Variants in TPTE2 observed in about 807,000 individuals in gnomAD.
TPTE2 encodes the protein phosphatidylinositol 3,4,5-trisphosphate 3-phosphatase TPTE2.
TPTE2 carries 53 observed loss-of-function variants against 78.6 expected under a neutral mutation model. That is an observed-to-expected ratio of 0.67 (90% CI 0.54 to 0.85). The LOEUF (loss-of-function observed/expected upper bound fraction) is 0.85, where lower values mean the gene tolerates loss of function less well. Ranked by LOEUF, TPTE2 falls within the 40% of genes least tolerant of loss-of-function variation. The probability of loss-of-function intolerance (pLI) is 0.00; values close to 1 mark genes in which losing one functional copy is unlikely to be tolerated. For missense variants in TPTE2, 461 were observed against 623.0 expected, an observed-to-expected ratio of 0.74 and a Z score of 2.77; for synonymous variants, 175 against 206.2, an observed-to-expected ratio of 0.85 and a Z score of 1.30.
At chr13:19,492,101 C>T (rs530313591) in intron 3 of TPTE2, among the ~76,000 whole-genome samples, 51 of 152,200 alleles carry the variant, frequency 3.4e-4, no homozygotes, top group Non-Finnish European at 6.2e-4. Flanking sequence ...TCAGGTTTTC[C>T]GTATTACTTA....
chr13:19,422,883 C>T, exon 20 of TPTE2: 1 of 510,624 alleles, frequency 2.0e-6, no homozygotes. Context: ...GACATTTTAT[C>T]TATATATATT....
chr13:19,473,553 TAAGTC>T (rs1879754392), intron 6 of TPTE2, among the ~76,000 whole-genome samples: 1 of 150,326 alleles, frequency 6.7e-6, no homozygotes, highest in African/African-American at 2.5e-5. Context: ...CAAAGGCTCT[TAAGTC>T]AGTTTGTGGT....
chr13:19,514,165 TC>T (rs1428534821), intron 1 of TPTE2, among the ~76,000 whole-genome samples: 5 of 152,188 alleles, frequency 3.3e-5, no homozygotes, highest in Admixed American at 3.3e-4. Context: ...ACACAGGCAT[TC>T]TGATAGTTTC....
At chr13:19,532,194 GACAA>G (rs1426124254) in intron 1 of TPTE2, among the ~76,000 whole-genome samples, 3 of 152,146 alleles carry the variant, frequency 2.0e-5, no homozygotes, top group Non-Finnish European at 2.9e-5. Context: ...ATTATCAGCT[GACAA>G]ACAGTCTGAT....
At chr13:19,445,519 T>C (rs1173697074) in intron 13 of TPTE2, among the ~76,000 whole-genome samples, 1 of 152,188 alleles carries the variant, frequency 6.6e-6, no homozygotes, top group Non-Finnish European at 1.5e-5. Context: ...TACAACTGTT[T>C]TAGAAAACAG....
chr13:19,540,787 G>A (rs1376754189), upstream of TPTE2, among the ~76,000 whole-genome samples: 17 of 152,108 alleles, frequency 1.1e-4, no homozygotes. Context: ...AAATGCAACT[G>A]CAAAAGTGCC....
At chr13:19,448,152 T>C (rs1292057382) in intron 13 of TPTE2, among the ~76,000 whole-genome samples, 4 of 152,156 alleles carry the variant, frequency 2.6e-5, no homozygotes, top group Non-Finnish European at 5.9e-5. Context: ...AATTGCAACC[T>C]ATCTCACCCA....
chr13:19,472,676 G>A (rs1326621913), intron 6 of TPTE2, among the ~76,000 whole-genome samples: 1 of 152,168 alleles, frequency 6.6e-6, no homozygotes, highest in Admixed American at 6.5e-5. Flanking sequence ...GTCTTATTTA[G>A]TTCATTTGGT....
intron 1 of TPTE2, among the ~76,000 whole-genome samples, chr13:19,496,628 A>G (rs889057195): frequency 9.9e-5 from 15 of 152,184 alleles, no homozygotes; most frequent in Non-Finnish European, 1.6e-4. Context: ...GGACAAGTCC[A>G]TGTTCCATTA....
At chr13:19,561,072 C>T in the TPTE2 span, 28 of 1,589,138 alleles carry the variant, frequency 1.8e-5, no homozygotes, top group African/African-American at 2.0e-4. Context: ...CCGCCCTGCT[C>T]GCCAGGCCCA....
intron 1 of TPTE2, among the ~76,000 whole-genome samples, chr13:19,495,187 AGT>A (rs1209454754): frequency 6.7e-5 from 10 of 149,166 alleles, no homozygotes; most frequent in Middle Eastern, 3.4e-3. Context: ...CCTGCCCAAA[AGT>A]TGCGGCCAAG....
chr13:19,552,465 A>G, the TPTE2 span: 131 of 479,080 alleles, frequency 2.7e-4, 5 homozygotes, highest in South Asian at 6.0e-3. Context: ...GGAGATATCT[A>G]CAAAGTGTTT....
intron 13 of TPTE2, among the ~76,000 whole-genome samples, chr13:19,441,409 T>C (rs1000827202): frequency 2.6e-5 from 4 of 152,008 alleles, no homozygotes; most frequent in African/African-American, 9.7e-5. Flanking sequence ...CTTCCAAATC[T>C]AAAAGTTAAT....
intron 10 of TPTE2, among the ~76,000 whole-genome samples, chr13:19,462,981 C>T (rs1879029975): frequency 6.6e-6 from 1 of 150,800 alleles, no homozygotes; most frequent in Admixed American, 6.6e-5. Flanking sequence ...TTTTAAAGCT[C>T]TTGATTGTAT....
rs775224479 is a variant in TPTE2, at chr13:19,450,263, T to C, written c.884A>G (p.His295Arg). 5 of 1,611,130 alleles carry C rather than the reference T, an allele frequency of 3.1e-6. No individual in the cohort carries two copies. In the East Asian group the frequency reaches 6.7e-5, roughly 22 times the overall value. ...ATAGTCAATTTAGCATAAAACTTAC[T>C]GTAGAGTGGGGACATTATGATCATC... is the stretch of plus-strand genomic sequence containing the variant. Residue 295 changes from histidine to arginine, a missense_variant and splice_region_variant, in exon 12 of 20, where the codon CAT (histidine) becomes CGT (arginine). Transcript: ENST00000400230.
At chr13:19,495,332 T>C (rs1881238755) in intron 1 of TPTE2, among the ~76,000 whole-genome samples, 1 of 152,220 alleles carries the variant, frequency 6.6e-6, no homozygotes. Context: ...TTCTTTGTTT[T>C]GGCTGGGATT....
chr13:19,425,937 T>G, intron 18 of TPTE2: 5 of 233,104 alleles, frequency 2.1e-5, no homozygotes, highest in South Asian at 2.0e-4. Flanking sequence ...TTCTAGTCAG[T>G]GCTCCCAGCT....
At chr13:19,474,627 G>A (rs1879827292) in intron 5 of TPTE2, among the ~76,000 whole-genome samples, 1 of 152,156 alleles carries the variant, frequency 6.6e-6, no homozygotes, top group Admixed American at 6.5e-5. Flanking sequence ...ATAGTGATGG[G>A]CACATGAGTC....
At chr13:19,549,011 T>C in the TPTE2 span, among the ~76,000 whole-genome samples, 2 of 151,826 alleles carry the variant, frequency 1.3e-5, no homozygotes, top group African/African-American at 4.8e-5. Flanking sequence ...TCCCAGCTAC[T>C]TGGGAGGCTG....
Sources: allele counts gnomAD v4.1 joint callset (sites outside exome capture counted in the v4.1 genomes callset), GRCh38; gene constraint gnomAD v4.1.1; transcripts MANE v1.5; gene names NCBI Gene and HGNC (gene_info 2026-07-23, HGNC 2026-07-21).